Variants in DOCK7 observed in about 807,000 individuals in gnomAD.
The protein encoded by DOCK7 is dedicator of cytokinesis protein 7.
DOCK7 carries 138 observed loss-of-function variants against 271.0 expected under a neutral mutation model. That is an observed-to-expected ratio of 0.51 (90% CI 0.44 to 0.59). The LOEUF (loss-of-function observed/expected upper bound fraction) is 0.59. Ranked by LOEUF, DOCK7 falls within the 20% of genes least tolerant of loss-of-function variation. The pLI is 0.00. For synonymous variants in DOCK7, 823 were observed against 876.1 expected (o/e 0.94, Z 1.07); for missense variants, 2,066 against 2,592.4 (o/e 0.80, Z 4.41).
intron 48 of DOCK7, among the ~76,000 whole-genome samples, chr1:62,471,946 G>A (rs766853228): frequency 8.6e-5 from 13 of 151,920 alleles, no homozygotes; most frequent in Non-Finnish European, 1.3e-4. Context: ...AAGATTATAC[G>A]TATGACTATT....
At chr1:62,609,362 T>C (rs922265258) in intron 14 of DOCK7, 16 of 152,196 alleles carry the variant, frequency 1.1e-4, no homozygotes, top group Admixed American at 9.8e-4. Context: ...ACTGGGTATA[T>C]AATTTGAAAG....
At chr1:62,495,528 T>C in intron 39 of DOCK7, 53 bp downstream of exon 39, 1 of 1,149,430 alleles carries the variant, frequency 8.7e-7, no homozygotes, top group Non-Finnish European at 1.2e-6. Flanking sequence ...ATGCTTACTG[T>C]ATGTCTTACT....
At chr1:62,519,004 T>TACAC (rs1038125495) in intron 31 of DOCK7, among the ~76,000 whole-genome samples, 1 of 30,016 alleles carries the variant, frequency 3.3e-5, no homozygotes. Context: ...AAAGTCATGC[T>TACAC]ATACACACAC....
rs1408287692 is a variant in DOCK7, at chr1:62,513,558, T to C, written c.4168A>G (p.Lys1390Glu). The C allele has an allele frequency of 6.2e-7, 1 of 1,614,138 alleles. No individual in the cohort carries two copies. The highest frequency in any genetic ancestry group is 8.5e-7 in the Non-Finnish European group (1 of 1,180,008). The stretch of plus-strand genomic sequence containing the variant: ...TCTTCAAGCTTTGCTCTCATGTCTT[T>C]TGATTTCTTAAAGGTCAAGCTATTC... ...RMNSLTFKKS[K>E]DMRAKLEEAI... Residue 1390 changes from lysine (K) to glutamate (E), a missense_variant, in exon 33 of 50, where the codon AAA becomes GAA. Physicochemically the swap from Lys to Glu is moderately conservative, Grantham distance 56. Transcript: ENST00000635253.
intron 37 of DOCK7, among the ~76,000 whole-genome samples, chr1:62,499,586 CTT>C (rs1491485781): frequency 6.6e-6 from 1 of 152,038 alleles, no homozygotes; most frequent in Non-Finnish European, 1.5e-5. Flanking sequence ...AAGTAAGAAA[CTT>C]AGCCCGGTGT....
intron 14 of DOCK7, among the ~76,000 whole-genome samples, chr1:62,616,434 G>T (rs1005119801): frequency 6.7e-6 from 1 of 148,382 alleles, no homozygotes; most frequent in African/African-American, 2.5e-5. Context: ...GCTAATGTAA[G>T]ATAAAAGTGT....
At chr1:62,522,013 C>A (rs554943191) in intron 31 of DOCK7, among the ~76,000 whole-genome samples, 2 of 151,846 alleles carry the variant, frequency 1.3e-5, no homozygotes, top group African/African-American at 2.4e-5. Context: ...TAAATAAATA[C>A]AATCAATGTA....
At chr1:62,473,757 A>AT (rs1214779609) in intron 48 of DOCK7, among the ~76,000 whole-genome samples, 2 of 151,622 alleles carry the variant, frequency 1.3e-5, no homozygotes, top group Non-Finnish European at 2.9e-5. Context: ...TAATTTTTAA[A>AT]TTTTTTTCGT....
At chr1:62,633,292 G>A (rs1449792043) in intron 10 of DOCK7, among the ~76,000 whole-genome samples, 2 of 152,044 alleles carry the variant, frequency 1.3e-5, no homozygotes, top group African/African-American at 4.8e-5. Flanking sequence ...TATGACACAG[G>A]CTAGGTGACA....
intron 14 of DOCK7, among the ~76,000 whole-genome samples, chr1:62,593,530 G>A (rs1217426114): frequency 1.3e-5 from 2 of 151,992 alleles, no homozygotes; most frequent in Non-Finnish European, 2.9e-5. Flanking sequence ...AGATCACGAC[G>A]CTGCACTCCA....
chr1:62,466,362 C>CCT (rs1448255531), intron 48 of DOCK7, among the ~76,000 whole-genome samples: 2 of 152,150 alleles, frequency 1.3e-5, no homozygotes, highest in Admixed American at 1.3e-4. Flanking sequence ...CAAATGCAGT[C>CCT]AGGTTTATAA....
At chr1:62,505,370 G>C (rs1646909372) in intron 36 of DOCK7, among the ~76,000 whole-genome samples, 1 of 152,054 alleles carries the variant, frequency 6.6e-6, no homozygotes, top group African/African-American at 2.4e-5. Context: ...ACAGAACCAA[G>C]TGAAGAGAAA....
intron 14 of DOCK7, among the ~76,000 whole-genome samples, chr1:62,613,347 T>C (rs140584838): frequency 1.1e-3 from 170 of 152,254 alleles, no homozygotes; most frequent in African/African-American, 3.9e-3. Flanking sequence ...TCTACCCCTG[T>C]AGAGAATTTG....
chr1:62,485,553 A>G (rs1646268471), intron 43 of DOCK7: 1 of 985,324 alleles, frequency 1.0e-6, no homozygotes, highest in Admixed American at 6.1e-5. Flanking sequence ...TGAAAGATCT[A>G]CCAGAATACT....
intron 14 of DOCK7, among the ~76,000 whole-genome samples, chr1:62,588,045 AAAG>A (rs201946110): frequency 0.012 from 1,773 of 152,308 alleles, 12 homozygotes; most frequent in African/African-American, 0.019. Context: ...AGTACTAAAA[AAAG>A]AAGAAGAATC....
chr1:62,649,573 C>G (rs562740582), intron 4 of DOCK7, among the ~76,000 whole-genome samples: 1 of 152,250 alleles, frequency 6.6e-6, no homozygotes, highest in African/African-American at 2.4e-5. Flanking sequence ...CAGAATGCTA[C>G]TGAATTCTAT....
In DOCK7 at chr1:62,631,189, A is replaced by T. The variant is rs760550698; in HGVS notation, c.1282+51T>A. The T allele has an allele frequency of 4.0e-6, 6 of 1,513,650 alleles. No homozygotes were observed. The East Asian group carries it at 9.4e-5, about 24-fold the overall frequency. The allele number at this position is 1,513,650 out of a possible 1,614,324, so 93.8% of individuals were successfully genotyped here. A position where few individuals can be genotyped will look rare whatever the true frequency, so the allele number is the denominator to read the frequency against. On this transcript the variant is annotated intron_variant, in intron 11 of 49. Transcript: ENST00000635253. ...CATAGAGCGAAACTCCATCTCAAAA[A>T]AAAAAGAAAAAAGTAAACATTTAGA...
At chr1:62,491,676 A>G (rs753939275) in intron 41 of DOCK7, among the ~76,000 whole-genome samples, 3 of 152,208 alleles carry the variant, frequency 2.0e-5, no homozygotes, top group Non-Finnish European at 4.4e-5. Flanking sequence ...ACTTTCTTGG[A>G]CACCAGGGCA....
intron 14 of DOCK7, among the ~76,000 whole-genome samples, chr1:62,599,221 G>A (rs1472777130): frequency 1.3e-5 from 2 of 151,906 alleles, no homozygotes; most frequent in African/African-American, 4.8e-5. Context: ...CCAACCCTTC[G>A]TCATCTCACT....
Sources: allele counts gnomAD v4.1 joint callset (sites outside exome capture counted in the v4.1 genomes callset), GRCh38; gene constraint gnomAD v4.1.1; transcripts MANE v1.5; gene names NCBI Gene and HGNC (gene_info 2026-07-23, HGNC 2026-07-21).